TBC1D22B: variants seen among roughly 807,000 people sequenced by gnomAD.
TBC1D22B encodes the protein TBC1 domain family member 22B, also known as chromosome 6 open reading frame 197.
A neutral mutation model predicts 69.1 loss-of-function variants in TBC1D22B; 32 were observed. The observed-to-expected ratio is 0.46, with a 90% CI of 0.35 to 0.62. The LOEUF (loss-of-function observed/expected upper bound fraction) is 0.62, where lower values mean the gene tolerates loss of function less well. Among genes scored for constraint, TBC1D22B ranks in the 20% least tolerant of loss-of-function variants. The probability of loss-of-function intolerance (pLI) is 0.00; values close to 1 mark genes in which losing one functional copy is unlikely to be tolerated. For synonymous variants in TBC1D22B, 206 were observed against 229.8 expected (o/e 0.90, Z 0.94); for missense variants, 462 against 630.9 (o/e 0.73, Z 2.87).
intron 7 of TBC1D22B, among the ~76,000 whole-genome samples, chr6:37,287,435 G>A (rs1767040256): frequency 6.6e-6 from 1 of 152,152 alleles, no homozygotes; most frequent in African/African-American, 2.4e-5. Flanking sequence ...ATTTTTTAGT[G>A]TACAGTTCAG....
intron 8 of TBC1D22B, among the ~76,000 whole-genome samples, chr6:37,293,321 C>T (rs1767255381): frequency 6.6e-6 from 1 of 152,092 alleles, no homozygotes; most frequent in Non-Finnish European, 1.5e-5. Context: ...TCGTGATCCG[C>T]CCACCTCGGC....
At chr6:37,305,132 C>A (rs138932932) in intron 8 of TBC1D22B, among the ~76,000 whole-genome samples, 1 of 152,136 alleles carries the variant, frequency 6.6e-6, no homozygotes, top group Non-Finnish European at 1.5e-5. Flanking sequence ...TTGTGCTCGC[C>A]CCCCACGCTC....
intron 10 of TBC1D22B, among the ~76,000 whole-genome samples, chr6:37,314,921 T>G (rs1768032173): frequency 6.6e-6 from 1 of 152,182 alleles, no homozygotes; most frequent in African/African-American, 2.4e-5. Flanking sequence ...TCACAGTTAC[T>G]TCCCGTATGT....
At chr6:37,323,001 T>G (rs1768294104) in intron 12 of TBC1D22B, among the ~76,000 whole-genome samples, 1 of 152,162 alleles carries the variant, frequency 6.6e-6, no homozygotes, top group South Asian at 2.1e-4. Flanking sequence ...AATATTTCTA[T>G]GAAGAGCGTG....
chr6:37,291,205 T>C (rs1767168262), intron 7 of TBC1D22B, 38 bp from the exon 8 acceptor site: 1 of 1,420,078 alleles, frequency 7.0e-7, no homozygotes, highest in Non-Finnish European at 9.9e-7. Flanking sequence ...TGTGTCCCCG[T>C]GATTTAACAC....
At chr6:37,301,110 G>A (rs1028399780) in intron 8 of TBC1D22B, among the ~76,000 whole-genome samples, 12 of 152,116 alleles carry the variant, frequency 7.9e-5, no homozygotes, top group Admixed American at 7.2e-4. Context: ...TGTCTTCCAG[G>A]TTCATCTGGT....
At chr6:37,270,381 G>A (rs186737552) in intron 2 of TBC1D22B, among the ~76,000 whole-genome samples, 212 of 152,208 alleles carry the variant, frequency 1.4e-3, no homozygotes, top group African/African-American at 4.6e-3. Flanking sequence ...AACCCAGGAG[G>A]CAGAGGTTGC....
intron 8 of TBC1D22B, 142 bp downstream of exon 8, chr6:37,291,499 A>G (rs1334921641): frequency 1.8e-6 from 1 of 565,298 alleles, no homozygotes; most frequent in Non-Finnish European, 3.0e-6. Flanking sequence ...AGCTAAAACT[A>G]CTTTTAACAG....
intron 8 of TBC1D22B, among the ~76,000 whole-genome samples, chr6:37,310,264 TTTAAG>T (rs1467928168): frequency 2.7e-4 from 40 of 149,974 alleles, no homozygotes; most frequent in Middle Eastern, 3.5e-3. Flanking sequence ...ATAGTAAATG[TTTAAG>T]TTAGGATACA....
At chr6:37,296,387 T>G (rs899881833) in intron 8 of TBC1D22B, among the ~76,000 whole-genome samples, 6 of 152,232 alleles carry the variant, frequency 3.9e-5, no homozygotes, top group South Asian at 2.1e-4. Flanking sequence ...TCTCACTCTG[T>G]CACCCAGGCT....
chr6:37,262,483 A>C (rs1766139988), intron 1 of TBC1D22B, among the ~76,000 whole-genome samples: 1 of 152,228 alleles, frequency 6.6e-6, no homozygotes, highest in African/African-American at 2.4e-5. Context: ...GCGTCTGGCC[A>C]AAATCGAAAT....
chr6:37,326,064 T>A (rs1421760339), intron 12 of TBC1D22B, among the ~76,000 whole-genome samples: 1 of 152,042 alleles, frequency 6.6e-6, no homozygotes, highest in Non-Finnish European at 1.5e-5. Flanking sequence ...GAATTGGAAA[T>A]TATAGGTAGA....
rs1234424074 is a variant in TBC1D22B, at chr6:37,317,146, C to T, written c.1329C>T (p.Tyr443=). The T allele has an allele frequency of 1.3e-5, 21 of 1,578,410 alleles. No individual in the cohort carries two copies. Among genetic ancestry groups the T allele is most frequent in the East Asian group, 9.2e-5 (4 of 43,696 alleles). ...AAGGGTTCTCCCACTTTCATCTCTA[C>T]GTGTGTGCAGCCTTCTTGATCAAGT... ...EPEGFSHFHL[Y]VCAAFLIKWR... The change falls in exon 12 of 13, where the codon TAC becomes TAT. Residue 443 remains tyrosine (Y), a synonymous_variant. Transcript: ENST00000373491.
At chr6:37,324,083 T>A (rs1768326748) in intron 12 of TBC1D22B, among the ~76,000 whole-genome samples, 1 of 152,338 alleles carries the variant, frequency 6.6e-6, no homozygotes, top group East Asian at 1.9e-4. Context: ...ATAGAAGAGG[T>A]TTGTTTTAAA....
chr6:37,320,845 G>T (rs1015770636), intron 12 of TBC1D22B, among the ~76,000 whole-genome samples: 1 of 152,224 alleles, frequency 6.6e-6, no homozygotes, highest in African/African-American at 2.4e-5. Flanking sequence ...GAGCAGAATG[G>T]CTGGATCCTC....
chr6:37,282,879 C>T lies in TBC1D22B; in HGVS notation c.602-3C>T. ...ACCTAACAAGGCTGTTTTCTATTTA[C>T]AGATGAACTGAGGAAGTGTAGCTGG... On this transcript the variant is annotated splice_polypyrimidine_tract_variant and splice_region_variant and intron_variant, in intron 4 of 12. Transcript: ENST00000373491. 1 of 1,614,030 alleles carries T rather than the reference C, an allele frequency of 6.2e-7. No homozygotes were observed. The highest frequency in any genetic ancestry group is 1.1e-5 in the South Asian group (1 of 91,084).
intron 5 of TBC1D22B, among the ~76,000 whole-genome samples, chr6:37,283,541 C>G (rs185014975): frequency 6.6e-6 from 1 of 152,342 alleles, no homozygotes; most frequent in Admixed American, 6.5e-5. Flanking sequence ...TCCCCACTCT[C>G]CAGGCACTCA....
chr6:37,293,329 G>A lies in TBC1D22B; in HGVS notation c.982+1972G>A, dbSNP rs530762622. On this transcript the variant is annotated intron_variant, in intron 8 of 12. Coordinates refer to ENST00000373491, the MANE Select transcript of TBC1D22B (RefSeq NM_017772.4). Reference sequence around the variant, plus strand: ...CCTGACCTCGTGATCCGCCCACCTCGGCCTCCCAAAGTGCTGGGATTACAG... The same window carrying A: ...CCTGACCTCGTGATCCGCCCACCTCAGCCTCCCAAAGTGCTGGGATTACAG... 5.3e-5 allele frequency among the ~76,000 whole-genome samples: 8 copies of A among 152,022 alleles called. No homozygotes were observed. The East Asian group carries it at 7.7e-4, about 15-fold the overall frequency.
At chr6:37,306,312 G>T (rs1767717421) in intron 8 of TBC1D22B, among the ~76,000 whole-genome samples, 1 of 152,216 alleles carries the variant, frequency 6.6e-6, no homozygotes, top group Admixed American at 6.5e-5. Context: ...TAACAGAGGA[G>T]ATGTTGAGGT....
Sources: allele counts gnomAD v4.1 joint callset (sites outside exome capture counted in the v4.1 genomes callset), GRCh38; gene constraint gnomAD v4.1.1; transcripts MANE v1.5; gene names NCBI Gene and HGNC (gene_info 2026-07-23, HGNC 2026-07-21).